Variants in RGS17 observed in about 807,000 individuals in gnomAD.
RGS17 encodes regulator of G protein signaling 17, also known as regulator of G-protein signaling 17.
A neutral mutation model predicts 25.5 loss-of-function variants in RGS17; 12 were observed. The observed-to-expected ratio is 0.47, with a 90% CI of 0.30 to 0.76. The LOEUF (loss-of-function observed/expected upper bound fraction) is 0.76. RGS17 is among the 30% of genes least tolerant of loss of function. The pLI is 0.07. For missense variants in RGS17, 196 were observed against 242.2 expected (o/e 0.81, Z 1.27); for synonymous variants, 71 against 76.9 (o/e 0.92, Z 0.40).
At chr6:153,062,221 T>C (rs1776649194) in intron 1 of RGS17, among the ~76,000 whole-genome samples, 1 of 151,660 alleles carries the variant, frequency 6.6e-6, no homozygotes, top group South Asian at 2.1e-4. Context: ...CTGAAAGAGG[T>C]ACTGAAGAGG....
intron 1 of RGS17, among the ~76,000 whole-genome samples, chr6:153,067,988 T>A (rs1776733465): frequency 6.6e-6 from 1 of 151,842 alleles, no homozygotes; most frequent in Non-Finnish European, 1.5e-5. Flanking sequence ...GAATAGAGAA[T>A]CCAGAAATAA....
At chr6:153,011,940 C>A (rs577306295) in intron 4 of RGS17, among the ~76,000 whole-genome samples, 178 bp from the exon 5 acceptor site, 1 of 77,000 alleles carries the variant, frequency 1.3e-5, no homozygotes, top group African/African-American at 5.2e-5. Context: ...TCAAAATTTG[C>A]ACTAAATAAA....
intron 1 of RGS17, among the ~76,000 whole-genome samples, chr6:153,084,582 G>C (rs1777027640): frequency 6.6e-6 from 1 of 152,180 alleles, no homozygotes; most frequent in South Asian, 2.1e-4. Flanking sequence ...AGCTGGAAAA[G>C]GCTGCAGGGT....
At chr6:153,080,259 C>T (rs1351266803) in intron 1 of RGS17, among the ~76,000 whole-genome samples, 1 of 152,154 alleles carries the variant, frequency 6.6e-6, no homozygotes, top group Admixed American at 6.5e-5. Context: ...GGATTACAGG[C>T]GTGCGCCACC....
In RGS17 at chr6:153,008,475, G is replaced by A. The variant is rs753950336; in HGVS notation, c.*3099C>T. On this transcript the variant is annotated 3_prime_UTR_variant, in exon 5 of 5. Coordinates refer to ENST00000206262, the MANE Select transcript of RGS17 (RefSeq NM_012419.5). Reference sequence around the variant, plus strand: ...CCTTTGGATAACATCATAACAGCCCGAGTAAAGAAGTGCCATCCATCCATT... The same window carrying A: ...CCTTTGGATAACATCATAACAGCCCAAGTAAAGAAGTGCCATCCATCCATT... 3.3e-5 allele frequency: 5 copies of A among 152,164 alleles called. No individual in the cohort carries two copies. The highest frequency in any genetic ancestry group is 6.5e-5 in the Admixed American group (1 of 15,268). The allele number at this position is 152,164 out of a possible 1,614,324, so 9.4% of individuals were successfully genotyped here.
At chr6:153,092,767 A>ATAACTTG (rs1777151215) in intron 1 of RGS17, among the ~76,000 whole-genome samples, 2 of 152,326 alleles carry the variant, frequency 1.3e-5, no homozygotes, top group South Asian at 4.1e-4. Context: ...GATGACTCAT[A>ATAACTTG]TAACTTGTAA....
intron 1 of RGS17, among the ~76,000 whole-genome samples, chr6:153,111,403 T>G (rs1264406231): frequency 6.6e-6 from 1 of 152,188 alleles, no homozygotes; most frequent in Non-Finnish European, 1.5e-5. Flanking sequence ...TCCTCCACTC[T>G]GGGCAGGGCA....
chr6:153,042,089 A>G (rs1776329129), intron 2 of RGS17, among the ~76,000 whole-genome samples: 1 of 152,238 alleles, frequency 6.6e-6, no homozygotes, highest in African/African-American at 2.4e-5. Flanking sequence ...CAGAACCACT[A>G]TAGTAAGTCA....
At chr6:153,024,165 C>A (rs1779274478) in intron 4 of RGS17, 97 bp downstream of exon 4, 3 of 734,674 alleles carry the variant, frequency 4.1e-6, no homozygotes, top group Non-Finnish European at 4.6e-6. Flanking sequence ...ATCTTCTACC[C>A]TCTCCACACC....
intron 1 of RGS17, among the ~76,000 whole-genome samples, chr6:153,086,145 C>A (rs1777049661): frequency 6.6e-6 from 1 of 151,872 alleles, no homozygotes; most frequent in Non-Finnish European, 1.5e-5. Flanking sequence ...TCATCTGATT[C>A]TTGTATTTTT....
At position 153,026,498 on chromosome 6, in the gene RGS17, G is replaced by C; in HGVS notation, c.165C>G (p.Pro55=). ...TACTCTCCATTTTTGTAGTGTGTGT[G>C]GGTCTTCCCGCATTTTCCCCTCTTT... ...NEERGENAGR[P]THTTKMESIQ... The change falls in exon 3 of 5, where the codon CCC becomes CCG. Residue 55 remains proline, a synonymous_variant. Coordinates refer to ENST00000206262, the MANE Select transcript of RGS17 (RefSeq NM_012419.5). 6 of 1,613,490 alleles carry C rather than the reference G, an allele frequency of 3.7e-6. No individual in the cohort carries two copies. The highest frequency in any genetic ancestry group is 4.2e-6 in the Non-Finnish European group (5 of 1,179,604).
At chr6:153,022,152 G>C (rs1015926269) in intron 4 of RGS17, among the ~76,000 whole-genome samples, 3 of 152,176 alleles carry the variant, frequency 2.0e-5, no homozygotes, top group African/African-American at 7.2e-5. Flanking sequence ...AGGTTGCAGT[G>C]AGCTAAGATC....
intron 1 of RGS17, among the ~76,000 whole-genome samples, chr6:153,075,439 C>CCT (rs928619392): frequency 2.0e-5 from 3 of 152,220 alleles, no homozygotes; most frequent in African/African-American, 7.2e-5. Context: ...CCCATCCCTA[C>CCT]CTCTACCCTG....
chr6:153,013,628 G>A (rs1779155715), intron 4 of RGS17, among the ~76,000 whole-genome samples: 1 of 152,214 alleles, frequency 6.6e-6, no homozygotes, highest in Non-Finnish European at 1.5e-5. Flanking sequence ...GTAGGCAAAG[G>A]AAATGTTCTC....
At chr6:153,076,391 G>T (rs1179151411) in intron 1 of RGS17, among the ~76,000 whole-genome samples, 2 of 152,140 alleles carry the variant, frequency 1.3e-5, no homozygotes. Context: ...AACTGAATTA[G>T]AATTATTCAC....
chr6:153,021,491 T>C (rs1237673153), intron 4 of RGS17, among the ~76,000 whole-genome samples: 1 of 152,238 alleles, frequency 6.6e-6, no homozygotes, highest in East Asian at 1.9e-4. Flanking sequence ...ATGAACAGGA[T>C]ACCTTGGTTT....
Position 153,026,473 on chromosome 6 carries a change from T to C in RGS17, c.190A>G (p.Ile64Val), listed in dbSNP as rs982949114. 2.9e-5 allele frequency: 46 copies of C among 1,612,784 alleles called. No homozygotes were observed. Among genetic ancestry groups the C allele is most frequent in the Non-Finnish European group, 3.6e-5 (43 of 1,179,084 alleles). The change falls in exon 3 of 5, where the codon ATC becomes GTC. Residue 64 changes from isoleucine to valine, a missense_variant. Ile to Val is a conservative substitution (Grantham distance 29). Transcript: ENST00000206262. ...RPTHTTKMES[I>V]QVLEECQNPT... Reference sequence around the variant, plus strand: ...ACTCACCATTCCTCTAGGACCTGGATACTCTCCATTTTTGTAGTGTGTGTG... The same window carrying C: ...ACTCACCATTCCTCTAGGACCTGGACACTCTCCATTTTTGTAGTGTGTGTG...
chr6:153,110,618 T>G (rs1400896549), intron 1 of RGS17, among the ~76,000 whole-genome samples: 1 of 152,178 alleles, frequency 6.6e-6, no homozygotes, highest in African/African-American at 2.4e-5. Flanking sequence ...GTTTTCACAC[T>G]GCTATAAAGA....
At chr6:153,090,495 T>TG (rs1480599759) in intron 1 of RGS17, among the ~76,000 whole-genome samples, 2 of 147,886 alleles carry the variant, frequency 1.4e-5, no homozygotes, top group Non-Finnish European at 3.0e-5. Flanking sequence ...GGCACACCCC[T>TG]GTAGTTCCAG....
Sources: allele counts gnomAD v4.1 joint callset (sites outside exome capture counted in the v4.1 genomes callset), GRCh38; gene constraint gnomAD v4.1.1; transcripts MANE v1.5; gene names NCBI Gene and HGNC (gene_info 2026-07-23, HGNC 2026-07-21).